The following CTDSPL variants were observed in gnomAD, a reference collection of about 807,000 sequenced individuals.
CTDSPL encodes the protein CTD small phosphatase like.
Under a neutral mutation model 30.5 loss-of-function variants are expected in CTDSPL, and 8 were observed. The ratio of observed to expected loss-of-function variants is 0.26; its 90% CI spans 0.15 to 0.47. The LOEUF (loss-of-function observed/expected upper bound fraction) is 0.47, where lower values mean the gene tolerates loss of function less well. Among genes scored for constraint, CTDSPL ranks in the 20% least tolerant of loss-of-function variants. CTDSPL has a pLI of 0.99. For missense variants in CTDSPL, 248 were observed against 366.1 expected, an observed-to-expected ratio of 0.68 and a Z score of 2.63; for synonymous variants, 110 against 137.9, an observed-to-expected ratio of 0.80 and a Z score of 1.42.
At chr3:37,957,246 G>A in intron 3 of CTDSPL, 103 bp downstream of exon 3, 2 of 750,120 alleles carry the variant, frequency 2.7e-6, no homozygotes, top group Non-Finnish European at 4.4e-6. Flanking sequence ...TGCTTATGGT[G>A]AGTTTATCAT....
intron 1 of CTDSPL, among the ~76,000 whole-genome samples, chr3:37,888,818 G>A (rs1253719776): frequency 6.6e-6 from 1 of 152,148 alleles, no homozygotes; most frequent in Admixed American, 6.6e-5. Context: ...TGTAGCTGGG[G>A]GCCTTTAGAT....
At chr3:37,876,442 A>G (rs538553987) in intron 1 of CTDSPL, among the ~76,000 whole-genome samples, 4 of 152,150 alleles carry the variant, frequency 2.6e-5, no homozygotes, top group African/African-American at 9.7e-5. Flanking sequence ...GCAATGTATG[A>G]TACTTCTAGT....
Position 37,980,969 on chromosome 3 carries a change from G to A in CTDSPL, c.*102G>A, listed in dbSNP as rs1264430116. On this transcript the variant is annotated 3_prime_UTR_variant, in exon 8 of 8. Coordinates refer to ENST00000273179, the MANE Select transcript of CTDSPL (RefSeq NM_001008392.2). ...TGGGAGCTGAAAGTGAGGATACTCC[G>A]TGCTCCAGGCCACAGGGTGAATGTG... The A allele has an allele frequency of 3.6e-5, 51 of 1,429,368 alleles. No individual in the cohort carries two copies. The highest frequency in any genetic ancestry group is 2.4e-4 in the Middle Eastern group (1 of 4,186). The allele number at this position is 1,429,368 out of a possible 1,614,324, so 88.5% of individuals were successfully genotyped here.
intron 7 of CTDSPL, among the ~76,000 whole-genome samples, chr3:37,976,281 T>TAGG (rs1699426692): frequency 6.6e-6 from 1 of 152,132 alleles, no homozygotes. Flanking sequence ...AGCTACTGCG[T>TAGG]AGGACTTCAT....
In CTDSPL at chr3:37,900,198, C is replaced by T. The variant is rs144817666; in HGVS notation, c.79+37920C>T. ...CTTGAGAGGAAGGCTTGAGTGTGAG[C>T]GGGGAGGGAATGGAGCTGGAGATAG... On this transcript the variant is annotated intron_variant, in intron 1 of 7. Coordinates refer to ENST00000273179, the MANE Select transcript of CTDSPL (RefSeq NM_001008392.2). 3.3e-3 allele frequency among the ~76,000 whole-genome samples: 498 copies of T among 152,184 alleles called. 3 individuals carry two copies. The highest frequency in any genetic ancestry group is 0.012 in the African/African-American group (483 of 41,498).
chr3:37,874,269 C>G (rs1277068716), intron 1 of CTDSPL, among the ~76,000 whole-genome samples: 1 of 152,184 alleles, frequency 6.6e-6, no homozygotes, highest in African/African-American at 2.4e-5. Flanking sequence ...CAGAAGGGAC[C>G]ACACCACTTC....
chr3:37,895,328 G>A (rs1698379037), intron 1 of CTDSPL, among the ~76,000 whole-genome samples: 3 of 152,172 alleles, frequency 2.0e-5, no homozygotes, highest in Admixed American at 2.0e-4. Flanking sequence ...CCTTAGCTAG[G>A]TTGCTTAGCG....
At chr3:37,900,051 C>T (rs1698431655) in intron 1 of CTDSPL, among the ~76,000 whole-genome samples, 1 of 152,106 alleles carries the variant, frequency 6.6e-6, no homozygotes, top group South Asian at 2.1e-4. Context: ...TGCCTGGGGC[C>T]TTTAATCACA....
chr3:37,961,348 C>T (rs1453632613), intron 3 of CTDSPL, among the ~76,000 whole-genome samples: 3 of 152,088 alleles, frequency 2.0e-5, no homozygotes, highest in Admixed American at 6.6e-5. Flanking sequence ...GCAGAGGGAA[C>T]GAAAGTTTGA....
intron 2 of CTDSPL, 25 bp downstream of exon 2, chr3:37,947,236 C>T (rs781774053): frequency 5.0e-6 from 8 of 1,599,090 alleles, no homozygotes; most frequent in Middle Eastern, 2.3e-4. Context: ...GGAACTGTGC[C>T]CTCCATAAAA....
intron 7 of CTDSPL, among the ~76,000 whole-genome samples, chr3:37,977,024 G>A (rs761197084): frequency 3.1e-4 from 47 of 152,112 alleles, no homozygotes; most frequent in Non-Finnish European, 5.0e-4. Context: ...CTGCAGTCTC[G>A]CTTATAACCA....
chr3:37,885,169 G>A (rs753137083), intron 1 of CTDSPL, among the ~76,000 whole-genome samples: 9 of 152,306 alleles, frequency 5.9e-5, no homozygotes, highest in Non-Finnish European at 1.3e-4. Flanking sequence ...TAGAGATAGT[G>A]CCAAGGACTG....
chr3:37,968,323 G>A lies in CTDSPL; in HGVS notation c.426+441G>A, dbSNP rs75544883. The A allele has an allele frequency of 2.7e-3, 1,169 of 427,434 alleles. 37 individuals carry two copies. In the East Asian group the frequency reaches 0.071, roughly 26 times the overall value. The allele number at this position is 427,434 out of a possible 1,614,324, so 26.5% of individuals were successfully genotyped here. ...AGACTGATCTTATCATTCCTGCATC[G>A]TTTTCTCCAGAGAATCTTTAGCAAA... On this transcript the variant is annotated intron_variant, in intron 5 of 7. Transcript: ENST00000273179.
chr3:37,948,808 C>CTTTTTTTTTTTTT (rs71635858), intron 2 of CTDSPL, among the ~76,000 whole-genome samples: 22 of 108,146 alleles, frequency 2.0e-4, no homozygotes, highest in African/African-American at 7.0e-4. Context: ...TTCCAGCTTT[C>CTTTTTTTTTTTTT]TTTTTTTTTT....
At chr3:37,920,482 A>G (rs1285824230) in intron 1 of CTDSPL, among the ~76,000 whole-genome samples, 1 of 152,184 alleles carries the variant, frequency 6.6e-6, no homozygotes, top group Non-Finnish European at 1.5e-5. Context: ...TTACTGCACC[A>G]CAGATCAGCT....
Position 37,938,603 on chromosome 3 carries a change from C to A in CTDSPL, c.80-8454C>A, listed in dbSNP as rs1164871589. Among the ~76,000 whole-genome samples, 2 of 149,896 alleles carry A rather than the reference C, an allele frequency of 1.3e-5. 1 individual carries two copies. The highest frequency in any genetic ancestry group is 3.0e-5 in the Non-Finnish European group (2 of 66,926). On this transcript the variant is annotated intron_variant, in intron 1 of 7. Transcript: ENST00000273179. ...GCTCTTTAGACCAGTCTTCTTGGGCCACTGAAGGACCAAGCCCCACTGTCA... is the reference window on the plus strand; with the variant it reads ...GCTCTTTAGACCAGTCTTCTTGGGCAACTGAAGGACCAAGCCCCACTGTCA...
intron 1 of CTDSPL, among the ~76,000 whole-genome samples, chr3:37,875,651 A>G (rs932698828): frequency 2.0e-5 from 3 of 152,228 alleles, no homozygotes; most frequent in African/African-American, 7.2e-5. Flanking sequence ...AGCCTATCAC[A>G]CATTTGTTCT....
chr3:37,957,792 C>G (rs1415005389), intron 3 of CTDSPL, among the ~76,000 whole-genome samples: 1 of 152,224 alleles, frequency 6.6e-6, no homozygotes, highest in Non-Finnish European at 1.5e-5. Flanking sequence ...CCAGCCACCC[C>G]TCAGCCATCC....
intron 1 of CTDSPL, among the ~76,000 whole-genome samples, chr3:37,872,127 G>A (rs1019287053): frequency 3.3e-5 from 5 of 152,090 alleles, no homozygotes; most frequent in African/African-American, 9.7e-5. Flanking sequence ...GAGTAGCTGC[G>A]ACTACAGGCA....
Sources: allele counts gnomAD v4.1 joint callset (sites outside exome capture counted in the v4.1 genomes callset), GRCh38; gene constraint gnomAD v4.1.1; transcripts MANE v1.5; gene names NCBI Gene and HGNC (gene_info 2026-07-23, HGNC 2026-07-21).